Variants in ARHGAP28 observed in about 807,000 individuals in gnomAD.
The protein encoded by ARHGAP28 is rho GTPase-activating protein 28.
ARHGAP28 carries 56 observed loss-of-function variants against 90.7 expected under a neutral mutation model. The observed-to-expected ratio is 0.62, with a 90% confidence interval of 0.50 to 0.77. The LOEUF (loss-of-function observed/expected upper bound fraction) is 0.77, where lower values mean the gene tolerates loss of function less well. Ranked by LOEUF, ARHGAP28 falls within the 30% of genes least tolerant of loss-of-function variation. The probability of loss-of-function intolerance (pLI) is 0.00; values close to 1 mark genes in which losing one functional copy is unlikely to be tolerated. For missense variants in ARHGAP28, 869 were observed against 900.9 expected (o/e 0.96, Z 0.45); for synonymous variants, 308 against 323.3 (o/e 0.95, Z 0.51).
intron 2 of ARHGAP28, among the ~76,000 whole-genome samples, chr18:6,827,944 G>T (rs1222267859): frequency 6.6e-6 from 1 of 151,836 alleles, no homozygotes; most frequent in Non-Finnish European, 1.5e-5. Flanking sequence ...CTTCCCAGAC[G>T]GGGTGGCGGC....
chr18:6,824,158 G>A (rs1488365773), intron 1 of ARHGAP28, among the ~76,000 whole-genome samples: 1 of 152,156 alleles, frequency 6.6e-6, no homozygotes, highest in Admixed American at 6.5e-5. Context: ...ACTAGTATAA[G>A]TAACTTTGTA....
chr18:6,736,752 AAAAAAAC>A (rs1404687093), intron 1 of ARHGAP28, among the ~76,000 whole-genome samples: 86 of 148,364 alleles, frequency 5.8e-4, no homozygotes, highest in Non-Finnish European at 1.8e-4. Context: ...CATTTCAAAA[AAAAAAAC>A]AAAAAACAGA....
At chr18:6,909,827 T>G (rs1386410474) in intron 17 of ARHGAP28, among the ~76,000 whole-genome samples, 1 of 152,134 alleles carries the variant, frequency 6.6e-6, no homozygotes, top group Admixed American at 6.5e-5. Flanking sequence ...TGCTCCGTGC[T>G]CCCACTGAGG....
intron 1 of ARHGAP28, among the ~76,000 whole-genome samples, chr18:6,795,333 C>T (rs1389773105): frequency 6.6e-6 from 1 of 152,000 alleles, no homozygotes; most frequent in African/African-American, 2.4e-5. Flanking sequence ...TTGATGGTGA[C>T]GAGATGGGAG....
At position 6,729,800 on chromosome 18, in the gene ARHGAP28, G is replaced by A. The variant is rs2143077766; in HGVS notation, c.-22G>A. ...TCCCGGTCTTTGTTCTGGGGCCGGCGCCGAGACATGCGCGGCTGACGATGG... is the reference window on the plus strand; with the variant it reads ...TCCCGGTCTTTGTTCTGGGGCCGGCACCGAGACATGCGCGGCTGACGATGG... On this transcript the variant is annotated 5_prime_UTR_variant, in exon 1 of 18. Coordinates refer to ENST00000383472, the MANE Select transcript of ARHGAP28 (RefSeq NM_001366230.1). The A allele has an allele frequency of 7.2e-7, 1 of 1,390,412 alleles. No homozygotes were observed. 86.1% of individuals were successfully genotyped at this position (1,390,412 alleles called of 1,614,324 possible).
At chr18:6,870,467 C>A in intron 6 of ARHGAP28, 123 bp from the exon 7 acceptor site, 2 of 1,000,968 alleles carry the variant, frequency 2.0e-6, no homozygotes, top group Non-Finnish European at 3.0e-6. Flanking sequence ...CTTTTCCTCG[C>A]ATATAAACAC....
chr18:6,814,813 T>C (rs1174521289), intron 1 of ARHGAP28, among the ~76,000 whole-genome samples: 1 of 152,242 alleles, frequency 6.6e-6, no homozygotes, highest in Non-Finnish European at 1.5e-5. Context: ...AAGATGTTTA[T>C]CCAGATTACT....
intron 4 of ARHGAP28, among the ~76,000 whole-genome samples, chr18:6,853,639 A>AT (rs923159853): frequency 6.6e-6 from 1 of 151,882 alleles, no homozygotes; most frequent in African/African-American, 2.4e-5. Context: ...TACCCGGCTA[A>AT]TTTTTTTGTA....
chr18:6,743,896 G>A (rs569869974), intron 1 of ARHGAP28, among the ~76,000 whole-genome samples: 1 of 152,320 alleles, frequency 6.6e-6, no homozygotes, highest in East Asian at 1.9e-4. Context: ...AGTGAGAAAT[G>A]TATTCATGAT....
intron 1 of ARHGAP28, among the ~76,000 whole-genome samples, chr18:6,818,095 A>G (rs2056603700): frequency 6.6e-6 from 1 of 152,204 alleles, no homozygotes; most frequent in South Asian, 2.1e-4. Flanking sequence ...TTTTACATGT[A>G]TTCACTCCTC....
chr18:6,822,992 T>A (rs2056636105), intron 1 of ARHGAP28, among the ~76,000 whole-genome samples: 1 of 152,222 alleles, frequency 6.6e-6, no homozygotes, highest in Non-Finnish European at 1.5e-5. Context: ...TCCTAAGTCG[T>A]CATAAAACCC....
chr18:6,874,770 C>T (rs570221386), intron 9 of ARHGAP28: 2 of 152,236 alleles, frequency 1.3e-5, no homozygotes, highest in Admixed American at 6.5e-5. Flanking sequence ...ACAAGCAACA[C>T]CTTTGTACAC....
intron 11 of ARHGAP28, among the ~76,000 whole-genome samples, chr18:6,885,493 C>T (rs965227848): frequency 3.3e-5 from 5 of 152,114 alleles, no homozygotes; most frequent in Admixed American, 6.5e-5. Context: ...CAAACTTGAC[C>T]GTAAAATTAA....
intron 7 of ARHGAP28, among the ~76,000 whole-genome samples, chr18:6,871,682 G>A (rs576082535): frequency 1.9e-4 from 29 of 152,196 alleles, no homozygotes; most frequent in South Asian, 2.1e-4. Context: ...TGCTGATTAC[G>A]GTTGGATGCT....
intron 16 of ARHGAP28, among the ~76,000 whole-genome samples, chr18:6,908,177 G>A (rs912555471): frequency 9.3e-5 from 14 of 150,864 alleles, no homozygotes; most frequent in African/African-American, 2.2e-4. Flanking sequence ...TCACTCTGTC[G>A]CCCAGGCTGG....
At chr18:6,815,054 A>C (rs537521434) in intron 1 of ARHGAP28, among the ~76,000 whole-genome samples, 2 of 152,182 alleles carry the variant, frequency 1.3e-5, no homozygotes, top group Non-Finnish European at 2.9e-5. Flanking sequence ...TCATAACCTC[A>C]ATTTATCTTT....
chr18:6,845,188 C>A (rs959456004), intron 3 of ARHGAP28, among the ~76,000 whole-genome samples: 5 of 152,302 alleles, frequency 3.3e-5, no homozygotes, highest in African/African-American at 1.2e-4. Flanking sequence ...AATCAGTCCT[C>A]CCACCTCAGC....
At chr18:6,754,448 G>A (rs930198350) in intron 1 of ARHGAP28, among the ~76,000 whole-genome samples, 3 of 152,108 alleles carry the variant, frequency 2.0e-5, no homozygotes, top group African/African-American at 7.2e-5. Context: ...GCTAAGAAAG[G>A]GAGAGCATTG....
At position 6,914,694 on chromosome 18, in the gene ARHGAP28, G is replaced by T. The variant is rs147717374; in HGVS notation, c.*2540G>T. The T allele has an allele frequency of 6.6e-6, 1 of 152,242 alleles. No individual in the cohort carries two copies. Among genetic ancestry groups the T allele is most frequent in the East Asian group, 1.9e-4 (1 of 5,184 alleles). The allele number at this position is 152,242 out of a possible 1,614,324, so 9.4% of individuals were successfully genotyped here. On this transcript the variant is annotated 3_prime_UTR_variant, in exon 18 of 18. Transcript: ENST00000383472. ...GGGCTTCTACATGCTATCCTTAAGA[G>T]CTTCTCCCCCTCACCCATTCCTAGT...
Sources: gnomAD v4.1 joint callset for allele counts (sites outside exome capture counted in the v4.1 genomes callset) on GRCh38, gnomAD v4.1.1 for gene constraint, MANE v1.5 for transcripts, NCBI Gene and HGNC (gene_info 2026-07-23, HGNC 2026-07-21) for gene names.